Variants in SLC26A6 observed in about 807,000 individuals in gnomAD.
SLC26A6 encodes the protein solute carrier family 26 member 6.
In SLC26A6, 67 loss-of-function variants were observed where a neutral mutation model predicts 87.1. The observed-to-expected ratio is 0.77, with a 90% CI of 0.63 to 0.94. The LOEUF (loss-of-function observed/expected upper bound fraction) is 0.94. SLC26A6 is among the 40% of genes least tolerant of loss of function. The probability of loss-of-function intolerance (pLI) is 0.00; values close to 1 mark genes in which losing one functional copy is unlikely to be tolerated. For synonymous variants in SLC26A6, 414 were observed against 405.9 expected (o/e 1.02, Z -0.24); for missense variants, 902 against 973.0 (o/e 0.93, Z 0.97).
chr3:48,625,766 G>T lies in SLC26A6; in HGVS notation c.*220C>A. On this transcript the variant is annotated 3_prime_UTR_variant, in exon 21 of 21. Transcript: ENST00000395550. The surrounding 1 kb of genome is among the most constrained non-coding windows in gnomAD (Gnocchi z 4.7). The stretch of plus-strand genomic sequence containing the variant: ...ATTCCTGAGGCTAAAATATGCACCA[G>T]TTCCCTCCCTGTACCGCGCCACTGC... 1 of 621,012 alleles carries T rather than the reference G, an allele frequency of 1.6e-6. No homozygotes were observed. The highest frequency in any genetic ancestry group is 2.9e-6 in the Non-Finnish European group (1 of 349,048). The allele number at this position is 621,012 out of a possible 1,614,324, so 38.5% of individuals were successfully genotyped here. A position where few individuals can be genotyped will look rare whatever the true frequency, so the allele number is the denominator to read the frequency against.
At position 48,632,134 on chromosome 3, in the gene SLC26A6, G is replaced by A. The variant is rs532777455; in HGVS notation, c.586-90C>T. On this transcript the variant is annotated intron_variant, in intron 5 of 20. Coordinates refer to ENST00000395550, the MANE Select transcript of SLC26A6 (RefSeq NM_022911.3). ...GGCAAGTGGGATGGGAGGGGGATGAGTAGACGGCAAGAGGAGGACGACGAT... is the reference window on the plus strand; with the variant it reads ...GGCAAGTGGGATGGGAGGGGGATGAATAGACGGCAAGAGGAGGACGACGAT... The A allele has an allele frequency of 6.9e-6, 11 of 1,588,804 alleles. 1 individual carries two copies. In the East Asian group the frequency reaches 9.0e-5, roughly 13 times the overall value.
chr3:48,632,552 G>T, intron 4 of SLC26A6, 156 bp from the exon 5 acceptor site: 3 of 1,044,918 alleles, frequency 2.9e-6, no homozygotes, highest in Non-Finnish European at 2.9e-6. Context: ...GTTCAGGTTT[G>T]GCCAGGCCAG....
intron 7 of SLC26A6, 60 bp from the exon 8 acceptor site, chr3:48,631,366 A>G: frequency 6.8e-7 from 1 of 1,473,446 alleles, no homozygotes; most frequent in South Asian, 1.4e-5. Context: ...GGGGACACAT[A>G]AACCACTGTG....
At position 48,630,704 on chromosome 3, in the gene SLC26A6, C is replaced by T; in HGVS notation, c.1151G>A (p.Gly384Asp). ...GATGCCTCCGATAAGGTTACTGAGG[C>T]CCAGGGCCACCAGCTCCTGACGGGG... ...VDSNQELVALGLSNLIGGIFQ... is the reference protein window; with the variant it reads ...VDSNQELVALDLSNLIGGIFQ... The change falls in exon 10 of 21, where the codon GGC (glycine) becomes GAC (aspartate). Residue 384 changes from glycine to aspartate, a missense_variant. By Grantham distance (94) the Gly-to-Asp change is moderately conservative (BLOSUM62 -1). This residue lies in a region of SLC26A6 where 800 missense variants were observed against 856.8 expected (regional missense o/e 0.93). Coordinates refer to ENST00000395550, the MANE Select transcript of SLC26A6 (RefSeq NM_022911.3). 1 of 1,600,608 alleles carries T rather than the reference C, an allele frequency of 6.2e-7. No homozygotes were observed. The highest frequency in any genetic ancestry group is 8.5e-7 in the Non-Finnish European group (1 of 1,172,682).
chr3:48,632,437 A>G, intron 4 of SLC26A6, 41 bp from the exon 5 acceptor site: 6 of 1,586,122 alleles, frequency 3.8e-6, no homozygotes, highest in Non-Finnish European at 5.2e-6. Flanking sequence ...AGGAGAGGAC[A>G]CTGCCCTGCC....
chr3:48,627,706 A>T (rs1312522528), intron 17 of SLC26A6: 2 of 387,832 alleles, frequency 5.2e-6, no homozygotes, highest in Non-Finnish European at 4.6e-6. Context: ...CTCTGGGGGA[A>T]GTCTTGTGGG....
chr3:48,631,144 T>C lies in SLC26A6; in HGVS notation c.987-4A>G. 1 of 1,613,714 alleles carries C rather than the reference T, an allele frequency of 6.2e-7. No individual in the cohort carries two copies. The highest frequency in any genetic ancestry group is 8.5e-7 in the Non-Finnish European group (1 of 1,180,000). On this transcript the variant is annotated splice_polypyrimidine_tract_variant and splice_region_variant and intron_variant, in intron 8 of 20. Transcript: ENST00000395550. Reference sequence around the variant, plus strand: ...GGGGGCCACTGGGGGCACCAGCCTGTGAGAGGTATCTGTGAGGCCAAAGCA... The same window carrying C: ...GGGGGCCACTGGGGGCACCAGCCTGCGAGAGGTATCTGTGAGGCCAAAGCA...
Position 48,631,865 on chromosome 3 carries a change from C to G in SLC26A6, c.750+15G>C. 6.2e-7 allele frequency: 1 copy of G among 1,613,562 alleles called. No homozygotes were observed. The highest frequency in any genetic ancestry group is 8.5e-7 in the Non-Finnish European group (1 of 1,179,972). ...TGGGGCACACCTACCCCTCCCTCCCCCTACCCTCACTCACATAGATGAGGG... is the reference window on the plus strand; with the variant it reads ...TGGGGCACACCTACCCCTCCCTCCCGCTACCCTCACTCACATAGATGAGGG... On this transcript the variant is annotated intron_variant, in intron 6 of 20. Coordinates refer to ENST00000395550, the MANE Select transcript of SLC26A6 (RefSeq NM_022911.3).
rs2046749251 is a variant in SLC26A6 at position 48,630,356 on chromosome 3, C to T, written c.1326+82G>A. On this transcript the variant is annotated intron_variant, in intron 11 of 20. Coordinates refer to ENST00000395550, the MANE Select transcript of SLC26A6 (RefSeq NM_022911.3). ...AAAACAGAACCTAACCTTGTGTCCC[C>T]ACCCCTCGCCTGAACCTAGACTGGC... 17 of 1,447,654 alleles carry T rather than the reference C, an allele frequency of 1.2e-5. No individual in the cohort carries two copies. The South Asian group carries it at 1.7e-4, about 15-fold the overall frequency. 89.7% of individuals were successfully genotyped at this position (1,447,654 alleles called of 1,614,324 possible).
intron 17 of SLC26A6, chr3:48,627,353 G>A: frequency 2.6e-6 from 1 of 388,186 alleles, no homozygotes. Flanking sequence ...TGAGTGGGGA[G>A]GGGGCCCAGG....
intron 13 of SLC26A6, 70 bp downstream of exon 13, chr3:48,629,802 G>A: frequency 6.2e-7 from 1 of 1,610,654 alleles, no homozygotes; most frequent in Non-Finnish European, 8.5e-7. Context: ...AGAGATGTGG[G>A]GAAAGCTGCG....
chr3:48,631,580 C>G, intron 7 of SLC26A6, 69 bp downstream of exon 7: 1 of 1,562,492 alleles, frequency 6.4e-7, no homozygotes, highest in Non-Finnish European at 8.7e-7. Context: ...ATACAGGAGG[C>G]TGCCCACGTG....
At chr3:48,634,722 G>A (rs2046906057) in intron 1 of SLC26A6, 7 of 985,230 alleles carry the variant, frequency 7.1e-6, no homozygotes, top group African/African-American at 1.7e-5. Flanking sequence ...TTGAGGGACA[G>A]GAACTCACCT....
chr3:48,633,852 A>T (rs1169442159), intron 1 of SLC26A6: 1 of 1,424,846 alleles, frequency 7.0e-7, no homozygotes, highest in Admixed American at 2.9e-5. Flanking sequence ...TCTTTCTAGG[A>T]CAAAGTCCCC....
chr3:48,626,739 G>C (rs149633395), intron 18 of SLC26A6, 54 bp from the exon 19 acceptor site: 216 of 1,611,994 alleles, frequency 1.3e-4, no homozygotes, highest in Non-Finnish European at 1.7e-4. Context: ...CTCAGAGGGG[G>C]GCTCGGGCAG....
chr3:48,628,181 GA>G lies in SLC26A6; in HGVS notation c.1801-144del. 2.5e-6 allele frequency: 2 copies of G among 812,944 alleles called. No homozygotes were observed. Among genetic ancestry groups the G allele is most frequent in the Non-Finnish European group, 3.8e-6 (2 of 519,836 alleles). The allele number at this position is 812,944 out of a possible 1,614,324, so 50.4% of individuals were successfully genotyped here. A position where few individuals can be genotyped will look rare whatever the true frequency, so the allele number is the denominator to read the frequency against. On this transcript the variant is annotated intron_variant, in intron 16 of 20. Transcript: ENST00000395550. This position sits in a 1 kb window ranked among gnomAD's most constrained non-coding sequence, Gnocchi z 4.4. ...CTGTGGGACCTGCAGCAGCCAGGCT[GA>G]AGCTCCTGGAACAGCCGTGAAAGGG...
chr3:48,631,041 C>A lies in SLC26A6; in HGVS notation c.1086G>T (p.Leu362=), dbSNP rs934243365. Residue 362 remains leucine, a synonymous_variant, in exon 9 of 21, where the codon CTG becomes CTT. Transcript: ENST00000395550. ...AVVGFAIAIS[L]GKIFALRHGY... ...CGTGCCTCAGGGCGAAGATCTTCCC[C>A]AGTGAGATGGCAATGGCAAACCCAA... The A allele has an allele frequency of 2.5e-6, 4 of 1,613,742 alleles. No individual in the cohort carries two copies. In the Admixed American group the frequency reaches 6.7e-5, roughly 27 times the overall value.
chr3:48,626,772 G>A, intron 18 of SLC26A6, 87 bp from the exon 19 acceptor site: 1 of 1,608,926 alleles, frequency 6.2e-7, no homozygotes, highest in South Asian at 1.1e-5. Context: ...AGTTTAGAAG[G>A]GGAGCTTTGA....
intron 1 of SLC26A6, chr3:48,634,635 T>G: frequency 1.3e-6 from 1 of 775,200 alleles, no homozygotes; most frequent in Non-Finnish European, 1.6e-6. Context: ...GGGAAAACTC[T>G]AGCCTGTTGG....
Sources: gnomAD v4.1 joint callset for allele counts on GRCh38, gnomAD v4.1.1 for gene constraint, gnomAD v4.1.1 regional missense constraint, Gnocchi (gnomAD v3.1) non-coding constraint, MANE v1.5 for transcripts, NCBI Gene and HGNC (gene_info 2026-07-23, HGNC 2026-07-21) for gene names.